BMPR1B: variants seen among roughly 807,000 people sequenced by gnomAD.
The protein encoded by BMPR1B is bone morphogenetic protein receptor type 1B, also known as bone morphogenetic protein receptor type-1B.
In BMPR1B, 12 loss-of-function variants were observed where a neutral mutation model predicts 59.1. The ratio of observed to expected loss-of-function variants is 0.20; its 90% confidence interval spans 0.13 to 0.33. The LOEUF is 0.33. Ranked by LOEUF, BMPR1B falls within the 10% of genes least tolerant of loss-of-function variation. BMPR1B has a pLI of 1.00. For missense variants in BMPR1B, 550 were observed against 610.9 expected (o/e 0.90, Z 1.05); for synonymous variants, 237 against 207.3 (o/e 1.14, Z -1.23).
At chr4:94,987,198 A>G (rs1721473818) in intron 2 of BMPR1B, among the ~76,000 whole-genome samples, 1 of 139,000 alleles carries the variant, frequency 7.2e-6, no homozygotes, top group African/African-American at 2.6e-5. Flanking sequence ...AATATATCAT[A>G]TATATGTAAT....
chr4:94,785,443 C>G (rs796608387), intron 1 of BMPR1B, among the ~76,000 whole-genome samples: 20 of 152,244 alleles, frequency 1.3e-4, no homozygotes, highest in African/African-American at 4.8e-4. Flanking sequence ...ATCACAATGA[C>G]CACAGCTTTC....
At chr4:94,865,727 A>G (rs56294302) in intron 1 of BMPR1B, among the ~76,000 whole-genome samples, 5,755 of 152,216 alleles carry the variant, frequency 0.038, 354 homozygotes, top group African/African-American at 0.13. Context: ...AATGGTTCCC[A>G]TTGCCTCTGG....
chr4:94,855,234 G>A (rs1725710563), intron 1 of BMPR1B, among the ~76,000 whole-genome samples: 1 of 152,106 alleles, frequency 6.6e-6, no homozygotes. Flanking sequence ...CAGTTATTAT[G>A]TTACTTGCCT....
chr4:94,806,280 C>T (rs1352651195), intron 1 of BMPR1B, among the ~76,000 whole-genome samples: 1 of 152,130 alleles, frequency 6.6e-6, no homozygotes, highest in South Asian at 2.1e-4. Flanking sequence ...ATGTCAGGCC[C>T]AGAATTCACA....
intron 2 of BMPR1B, among the ~76,000 whole-genome samples, chr4:94,877,212 C>A (rs1195448615): frequency 6.6e-6 from 1 of 152,048 alleles, no homozygotes; most frequent in Non-Finnish European, 1.5e-5. Context: ...GGGAGTAAGC[C>A]AGAAATAATT....
intron 1 of BMPR1B, among the ~76,000 whole-genome samples, chr4:94,854,628 A>C (rs1032073400): frequency 6.6e-6 from 1 of 152,192 alleles, no homozygotes; most frequent in Non-Finnish European, 1.5e-5. Flanking sequence ...ATAATTAAAC[A>C]TATTTTTCAC....
chr4:94,853,693 G>C (rs1031018523), intron 1 of BMPR1B, among the ~76,000 whole-genome samples: 2 of 152,026 alleles, frequency 1.3e-5, no homozygotes, highest in Non-Finnish European at 2.9e-5. Context: ...CAGACTAGCA[G>C]CACATGCCGC....
At chr4:94,938,609 A>C (rs759969058) in intron 2 of BMPR1B, among the ~76,000 whole-genome samples, 3 of 152,214 alleles carry the variant, frequency 2.0e-5, no homozygotes, top group Non-Finnish European at 2.9e-5. Flanking sequence ...AGCTTTTCAG[A>C]AGTAGAGAAT....
chr4:95,018,355 T>C (rs2149133261), intron 3 of BMPR1B, among the ~76,000 whole-genome samples: 1 of 152,294 alleles, frequency 6.6e-6, no homozygotes, highest in Non-Finnish European at 1.5e-5. Flanking sequence ...AATGAATAAA[T>C]TGAAAGCTGA....
chr4:95,090,753 G>A (rs1415143066), intron 3 of BMPR1B, among the ~76,000 whole-genome samples: 1 of 151,878 alleles, frequency 6.6e-6, no homozygotes, highest in African/African-American at 2.4e-5. Flanking sequence ...CTAGTTAGAG[G>A]CTTTAACTTG....
At chr4:94,897,355 T>C (rs977671461) in intron 2 of BMPR1B, among the ~76,000 whole-genome samples, 1 of 152,064 alleles carries the variant, frequency 6.6e-6, no homozygotes, top group African/African-American at 2.4e-5. Context: ...AAAATCATTA[T>C]AGATAATGCG....
In BMPR1B at chr4:95,155,836, G is replaced by A. The variant is rs966653305; in HGVS notation, c.*1163G>A. On this transcript the variant is annotated 3_prime_UTR_variant, in exon 13 of 13. Coordinates refer to ENST00000515059, the MANE Select transcript of BMPR1B (RefSeq NM_001203.3). ...GATAAGGGATAGAGAGGAAACATCC[G>A]TCAGGCTAATTTAACTACATTTTAT... 3.3e-5 allele frequency: 5 copies of A among 152,110 alleles called. No homozygotes were observed. Among genetic ancestry groups the A allele is most frequent in the South Asian group, 2.1e-4 (1 of 4,830 alleles). 9.4% of individuals were successfully genotyped at this position (152,110 alleles called of 1,614,324 possible).
chr4:94,849,912 G>A (rs558576707), intron 1 of BMPR1B, among the ~76,000 whole-genome samples: 4 of 152,072 alleles, frequency 2.6e-5, no homozygotes, highest in East Asian at 3.9e-4. Context: ...GGTGATTTTC[G>A]TAGACCAGCT....
At chr4:95,154,431 T>C in intron 12 of BMPR1B, 117 bp from the exon 13 acceptor site, 1 of 1,446,062 alleles carries the variant, frequency 6.9e-7, no homozygotes, top group Non-Finnish European at 9.6e-7. Context: ...TCTACATGGT[T>C]TTAAGGGTAC....
At chr4:95,049,860 A>G (rs1276971582) in intron 3 of BMPR1B, among the ~76,000 whole-genome samples, 1 of 152,036 alleles carries the variant, frequency 6.6e-6, no homozygotes, top group Non-Finnish European at 1.5e-5. Context: ...TTCTTGAGGA[A>G]CCAAATCAGC....
At chr4:95,127,741 AACTTGCTT>A (rs1733009358) in intron 8 of BMPR1B, among the ~76,000 whole-genome samples, 1 of 152,058 alleles carries the variant, frequency 6.6e-6, no homozygotes, top group Non-Finnish European at 1.5e-5. Context: ...ATTACACATA[AACTTGCTT>A]GCTTATTTCC....
At chr4:94,817,162 T>A (rs1241054000) in intron 1 of BMPR1B, among the ~76,000 whole-genome samples, 1 of 152,216 alleles carries the variant, frequency 6.6e-6, no homozygotes, top group Non-Finnish European at 1.5e-5. Flanking sequence ...GCCAGCTCCT[T>A]GATCTTAGAC....
chr4:95,017,196 T>C (rs1723641491), intron 3 of BMPR1B, among the ~76,000 whole-genome samples: 1 of 152,214 alleles, frequency 6.6e-6, no homozygotes, highest in Non-Finnish European at 1.5e-5. Flanking sequence ...CAGCAAGCCA[T>C]GCAAGCAGCT....
chr4:95,003,742 C>T (rs957177734), intron 3 of BMPR1B, among the ~76,000 whole-genome samples: 3 of 151,304 alleles, frequency 2.0e-5, no homozygotes, highest in African/African-American at 7.3e-5. Flanking sequence ...ACATGATAAC[C>T]TCACATAGCT....
Sources: allele counts gnomAD v4.1 joint callset (sites outside exome capture counted in the v4.1 genomes callset), GRCh38; gene constraint gnomAD v4.1.1; transcripts MANE v1.5; gene names NCBI Gene and HGNC (gene_info 2026-07-23, HGNC 2026-07-21).